NTSR1: variants seen among roughly 807,000 people sequenced by gnomAD.
The protein encoded by NTSR1 is neurotensin receptor type 1.
In NTSR1, 29 loss-of-function variants were observed where a neutral mutation model predicts 31.2. That is an observed-to-expected ratio of 0.93 (90% CI 0.69 to 1.27). The LOEUF (loss-of-function observed/expected upper bound fraction) is 1.27, where lower values mean the gene tolerates loss of function less well. Ranked by LOEUF, NTSR1 falls within the 50% of genes most tolerant of loss-of-function variation. The pLI, the probability that NTSR1 is intolerant of heterozygous loss-of-function variation, is 0.00. For missense variants in NTSR1, 697 were observed against 595.4 expected (o/e 1.17, Z -1.78); for synonymous variants, 282 against 269.9 (o/e 1.04, Z -0.44).
chr20:62,718,947 G>A (rs1353535304), intron 1 of NTSR1, among the ~76,000 whole-genome samples: 4 of 152,208 alleles, frequency 2.6e-5, no homozygotes, highest in Admixed American at 1.3e-4. Context: ...TAAGCGATGC[G>A]CTGTTTTGAA....
intron 1 of NTSR1, among the ~76,000 whole-genome samples, chr20:62,746,876 C>T (rs761250478): frequency 6.6e-6 from 1 of 152,160 alleles, no homozygotes; most frequent in African/African-American, 2.4e-5. Context: ...TATACAATTC[C>T]GAAAATGTGA....
chr20:62,729,626 A>AT (rs36003279), intron 1 of NTSR1, among the ~76,000 whole-genome samples: 2,358 of 122,746 alleles, frequency 0.019, 50 homozygotes, highest in African/African-American at 0.047. Flanking sequence ...GGGGTTTCTA[A>AT]TTTTTTTTTT....
chr20:62,729,231 T>C (rs941482826), intron 1 of NTSR1, among the ~76,000 whole-genome samples: 17 of 152,156 alleles, frequency 1.1e-4, no homozygotes, highest in African/African-American at 3.6e-4. Flanking sequence ...TCCTCCCAAC[T>C]TGGGGGCTCC....
intron 1 of NTSR1, among the ~76,000 whole-genome samples, chr20:62,718,482 C>G (rs1988773530): frequency 6.6e-6 from 1 of 152,212 alleles, no homozygotes; most frequent in Non-Finnish European, 1.5e-5. Context: ...ATAAATGCAG[C>G]CATGTATCCC....
At position 62,744,317 on chromosome 20, in the gene NTSR1, G is replaced by A. The variant is rs1989258402; in HGVS notation, c.715-10368G>A. ...TGTTTGTAATCCCAGCACTTTGGGA[G>A]GCCGAGGTGGGCGGGTCATGAGGTC... On this transcript the variant is annotated intron_variant, in intron 1 of 3. Coordinates refer to ENST00000370501, the MANE Select transcript of NTSR1 (RefSeq NM_002531.3). The surrounding 1 kb of genome is among the most constrained non-coding windows in gnomAD (Gnocchi z 4.1). Among the ~76,000 whole-genome samples, 1 of 152,174 alleles carries A rather than the reference G, an allele frequency of 6.6e-6. No homozygotes were observed. Among genetic ancestry groups the A allele is most frequent in the Non-Finnish European group, 1.5e-5 (1 of 68,036 alleles).
At position 62,711,821 on chromosome 20, in the gene NTSR1, C is replaced by T. The variant is rs2091428663; in HGVS notation, c.714+1900C>T. 6.6e-6 allele frequency among the ~76,000 whole-genome samples: 1 copy of T among 152,200 alleles called. No individual in the cohort carries two copies. Among genetic ancestry groups the T allele is most frequent in the South Asian group, 2.1e-4 (1 of 4,830 alleles). On this transcript the variant is annotated intron_variant, in intron 1 of 3. Coordinates refer to ENST00000370501, the MANE Select transcript of NTSR1 (RefSeq NM_002531.3). This position sits in a 1 kb window ranked among gnomAD's most constrained non-coding sequence, Gnocchi z 6.4. ...CCTCCCAAAGCACCACCTGCCCAGC[C>T]TTGTTGCTCAGAGGCTGCGAGGCAG... is the stretch of plus-strand genomic sequence containing the variant.
intron 1 of NTSR1, among the ~76,000 whole-genome samples, chr20:62,713,421 C>G (rs1488764582): frequency 6.6e-6 from 1 of 152,180 alleles, no homozygotes; most frequent in Non-Finnish European, 1.5e-5. Context: ...ACTTGGCAAA[C>G]ACCCCAGCCG....
In NTSR1 at chr20:62,744,765, A is replaced by T. The variant is rs1989269102; in HGVS notation, c.715-9920A>T. The stretch of plus-strand genomic sequence containing the variant: ...GAGAGAAATGAGCCTGAGGCCCAGG[A>T]GGACCTGCCGAGCTCACAGCTGGCC... On this transcript the variant is annotated intron_variant, in intron 1 of 3. Transcript: ENST00000370501. The surrounding 1 kb of genome is among the most constrained non-coding windows in gnomAD (Gnocchi z 4.1). Among the ~76,000 whole-genome samples the T allele has an allele frequency of 6.6e-6, 1 of 150,930 alleles. No individual in the cohort carries two copies. The highest frequency in any genetic ancestry group is 6.6e-5 in the Admixed American group (1 of 15,112).
At chr20:62,746,751 G>T (rs1000343849) in intron 1 of NTSR1, among the ~76,000 whole-genome samples, 3 of 152,184 alleles carry the variant, frequency 2.0e-5, no homozygotes, top group Non-Finnish European at 4.4e-5. Context: ...CAATAACAAA[G>T]AAGGAGATTG....
intron 1 of NTSR1, among the ~76,000 whole-genome samples, chr20:62,720,903 A>G (rs971571029): frequency 6.6e-6 from 1 of 152,056 alleles, no homozygotes; most frequent in Non-Finnish European, 1.5e-5. Context: ...GTTATTTACA[A>G]ATGTGTTGTT....
rs1989599994 is a variant in NTSR1 at position 62,760,413 on chromosome 20, C to G, written c.*146C>G. The G allele has an allele frequency of 1.3e-6, 1 of 791,386 alleles. No homozygotes were observed. The highest frequency in any genetic ancestry group is 2.7e-5 in the East Asian group (1 of 36,568). 49.0% of individuals were successfully genotyped at this position (791,386 alleles called of 1,614,324 possible). A position where few individuals can be genotyped will look rare whatever the true frequency, so the allele number is the denominator to read the frequency against. On this transcript the variant is annotated 3_prime_UTR_variant, in exon 4 of 4. Transcript: ENST00000370501. ...GTCTGAGGCCTGGGACCCCCCCCTC[C>G]CACCCCCTAACCCATGTTTCTCATT...
intron 2 of NTSR1, among the ~76,000 whole-genome samples, chr20:62,757,867 G>A (rs965509995): frequency 2.6e-5 from 4 of 151,852 alleles, no homozygotes; most frequent in East Asian, 1.9e-4. Context: ...CCAAGCCCAC[G>A]TCTCTCCCTC....
chr20:62,715,476 G>A lies in NTSR1; in HGVS notation c.714+5555G>A, dbSNP rs558264046. Among the ~76,000 whole-genome samples, 30 of 152,344 alleles carry A rather than the reference G, an allele frequency of 2.0e-4. No individual in the cohort carries two copies. The highest frequency in any genetic ancestry group is 3.3e-4 in the Admixed American group (5 of 15,312). On this transcript the variant is annotated intron_variant, in intron 1 of 3. Transcript: ENST00000370501. This position sits in a 1 kb window ranked among gnomAD's most constrained non-coding sequence, Gnocchi z 4.7. ...CTGTGGTGCTCCCCGTGGGGACAAC[G>A]GTCAGGCTTTTGAGTGAGATGGGCA...
At position 62,741,125 on chromosome 20, in the gene NTSR1, A is replaced by T. The variant is rs1421756464; in HGVS notation, c.715-13560A>T. 6.6e-6 allele frequency among the ~76,000 whole-genome samples: 1 copy of T among 152,158 alleles called. No individual in the cohort carries two copies. ...GGTAGAGGAGGCAAGGGTGTCAGGA[A>T]GGCTCTTTCCCTAATCTGACTAAGG... On this transcript the variant is annotated intron_variant, in intron 1 of 3. Coordinates refer to ENST00000370501, the MANE Select transcript of NTSR1 (RefSeq NM_002531.3). This position sits in a 1 kb window ranked among gnomAD's most constrained non-coding sequence, Gnocchi z 4.3.
chr20:62,758,507 T>A lies in NTSR1; in HGVS notation c.1007+151T>A. 1.4e-6 allele frequency: 1 copy of A among 692,544 alleles called. No individual in the cohort carries two copies. The highest frequency in any genetic ancestry group is 2.5e-6 in the Non-Finnish European group (1 of 398,468). 42.9% of individuals were successfully genotyped at this position (692,544 alleles called of 1,614,324 possible). ...CCCCTGGGCAGGGTTGTGCTGTGAC[T>A]GGGGCCGGGAGAAGGCCATGGAGGG... On this transcript the variant is annotated intron_variant, in intron 3 of 3. Coordinates refer to ENST00000370501, the MANE Select transcript of NTSR1 (RefSeq NM_002531.3). This position sits in a 1 kb window ranked among gnomAD's most constrained non-coding sequence, Gnocchi z 4.5.
At chr20:62,736,894 A>G (rs1307057697) in intron 1 of NTSR1, among the ~76,000 whole-genome samples, 1 of 152,122 alleles carries the variant, frequency 6.6e-6, no homozygotes, top group Non-Finnish European at 1.5e-5. Flanking sequence ...TGTGAGAGTG[A>G]ATCTCATGAG....
In NTSR1 at chr20:62,732,898, G is replaced by A. The variant is rs887991412; in HGVS notation, c.715-21787G>A. 1 of 152,030 alleles carries A rather than the reference G, an allele frequency of 6.6e-6. No homozygotes were observed. The highest frequency in any genetic ancestry group is 2.1e-4 in the South Asian group (1 of 4,828). 9.4% of individuals were successfully genotyped at this position (152,030 alleles called of 1,614,324 possible). ...CTTTTCCTCGGGCTCTCCCTGCCTG[G>A]GCCTGGAGGACCACAGCGGGCACAG... On this transcript the variant is annotated intron_variant, in intron 1 of 3. Coordinates refer to ENST00000370501, the MANE Select transcript of NTSR1 (RefSeq NM_002531.3). This position sits in a 1 kb window ranked among gnomAD's most constrained non-coding sequence, Gnocchi z 4.0.
intron 2 of NTSR1, among the ~76,000 whole-genome samples, chr20:62,756,378 A>T (rs561071604): frequency 5.4e-4 from 83 of 152,360 alleles, no homozygotes; most frequent in African/African-American, 1.9e-3. Flanking sequence ...AGACGCTGCC[A>T]ACAACACAGG....
At chr20:62,723,394 C>T (rs1568698645) in intron 1 of NTSR1, among the ~76,000 whole-genome samples, 2 of 152,172 alleles carry the variant, frequency 1.3e-5, no homozygotes, top group South Asian at 2.1e-4. Context: ...GTGTCTGGGC[C>T]GTGTCACTCC....
Sources: allele counts gnomAD v4.1 joint callset (sites outside exome capture counted in the v4.1 genomes callset), GRCh38; gene constraint gnomAD v4.1.1; non-coding constraint Gnocchi (gnomAD v3.1); transcripts MANE v1.5; gene names NCBI Gene and HGNC (gene_info 2026-07-23, HGNC 2026-07-21).